SLTM: variants seen among roughly 807,000 people sequenced by gnomAD.
The protein encoded by SLTM is SAFB like transcription modulator.
A neutral mutation model predicts 134.6 loss-of-function variants in SLTM; 43 were observed. That is an observed-to-expected ratio of 0.32 (90% confidence interval 0.25 to 0.41). The LOEUF (loss-of-function observed/expected upper bound fraction) is 0.41, where lower values mean the gene tolerates loss of function less well. Ranked by LOEUF, SLTM falls within the 10% of genes least tolerant of loss-of-function variation. SLTM has a pLI of 1.00. For missense variants in SLTM, 1,055 were observed against 1,288.8 expected, an observed-to-expected ratio of 0.82 and a Z score of 2.78; for synonymous variants, 424 against 432.3, an observed-to-expected ratio of 0.98 and a Z score of 0.24.
At chr15:58,898,894 A>G in intron 7 of SLTM, 42 bp from the exon 8 acceptor site, 1 of 1,469,906 alleles carries the variant, frequency 6.8e-7, no homozygotes, top group Non-Finnish European at 9.5e-7. Context: ...AAACAAAAAC[A>G]AAAACAAACC....
chr15:58,933,470 G>T lies in SLTM; in HGVS notation c.96C>A (p.Ser32=). ...TGTCTAAGTTCCGCCGCTTCAGCTCGGACTTCAGATCGATGACCCGCAGAT... is the reference window on the plus strand; with the variant it reads ...TGTCTAAGTTCCGCCGCTTCAGCTCTGACTTCAGATCGATGACCCGCAGAT... ...ITDLRVIDLK[S]ELKRRNLDIT... The change falls in exon 1 of 21, where the codon TCC becomes TCA. Residue 32 remains serine, a synonymous_variant. Transcript: ENST00000380516. 6.3e-7 allele frequency: 1 copy of T among 1,597,964 alleles called. No homozygotes were observed. Among genetic ancestry groups the T allele is most frequent in the Non-Finnish European group, 8.5e-7 (1 of 1,172,952 alleles).
At chr15:58,880,250 C>T (rs1047582890) in intron 20 of SLTM, 143 bp from the exon 21 acceptor site, 16 of 1,093,952 alleles carry the variant, frequency 1.5e-5, no homozygotes, top group South Asian at 4.7e-5. Context: ...CCATTGCTAA[C>T]CCCACTTTAC....
chr15:58,882,209 T>A (rs952399795), intron 20 of SLTM, among the ~76,000 whole-genome samples: 2 of 80,624 alleles, frequency 2.5e-5, no homozygotes, highest in Non-Finnish European at 5.1e-5. Context: ...CTTAGAAATT[T>A]ATACTAGGAA....
rs996932783 is a variant in SLTM, at chr15:58,933,258, T to A, written c.162+146A>T. On this transcript the variant is annotated intron_variant, in intron 1 of 20. Coordinates refer to ENST00000380516, the MANE Select transcript of SLTM (RefSeq NM_024755.4). ...GCGGAAGGGTCCCCGTCCTCCACGC[T>A]CGCGGGAGCCGCCCCTGGCCTCCCT... The A allele has an allele frequency of 6.6e-4, 527 of 796,302 alleles. 1 individual carries two copies. The highest frequency in any genetic ancestry group is 1.9e-3 in the Admixed American group (43 of 22,506). The allele number at this position is 796,302 out of a possible 1,614,324, so 49.3% of individuals were successfully genotyped here.
intron 2 of SLTM, among the ~76,000 whole-genome samples, chr15:58,918,064 A>ATC (rs2036770597): frequency 6.6e-6 from 1 of 151,760 alleles, no homozygotes; most frequent in Non-Finnish European, 1.5e-5. Flanking sequence ...TGGTAGTTGG[A>ATC]ACTTTAAAAT....
chr15:58,926,358 A>T (rs576771683), intron 2 of SLTM, among the ~76,000 whole-genome samples: 1 of 152,172 alleles, frequency 6.6e-6, no homozygotes, highest in African/African-American at 2.4e-5. Flanking sequence ...AAAGGGGGGA[A>T]AAAACCTTTA....
rs1326785284 is a variant in SLTM, at chr15:58,899,921, A to G, written c.606T>C (p.Gly202=). 1 of 1,611,760 alleles carries G rather than the reference A, an allele frequency of 6.2e-7. No individual in the cohort carries two copies. Among genetic ancestry groups the G allele is most frequent in the Non-Finnish European group, 8.5e-7 (1 of 1,178,482 alleles). ...GTTTAGATACTTCTTGTGTACCATC[A>G]CCAGAACCTGCTATATCTAAGAGGA... ...EENEKDIAGS[G]DGTQEVSKPL... The change falls in exon 7 of 21, where the codon GGT becomes GGC. Residue 202 remains glycine, a synonymous_variant. Coordinates refer to ENST00000380516, the MANE Select transcript of SLTM (RefSeq NM_024755.4). This position sits in a 1 kb window ranked among gnomAD's most constrained non-coding sequence, Gnocchi z 5.0.
Position 58,917,089 on chromosome 15 carries a change from C to T in SLTM, c.251-90G>A, listed in dbSNP as rs1164395839. On this transcript the variant is annotated intron_variant, in intron 2 of 20. Coordinates refer to ENST00000380516, the MANE Select transcript of SLTM (RefSeq NM_024755.4). The stretch of plus-strand genomic sequence containing the variant: ...GAGTTTACCCTGCAATAGCACTCTC[C>T]ACTCCCAAACTATCTGACAAAGCTA... 5.3e-6 allele frequency: 6 copies of T among 1,135,148 alleles called. No individual in the cohort carries two copies. The African/African-American group carries it at 6.2e-5, about 12-fold the overall frequency. 70.3% of individuals were successfully genotyped at this position (1,135,148 alleles called of 1,614,324 possible).
intron 2 of SLTM, among the ~76,000 whole-genome samples, chr15:58,918,645 G>A (rs1265320518): frequency 2.0e-5 from 3 of 152,154 alleles, no homozygotes; most frequent in Non-Finnish European, 2.9e-5. Context: ...CAATGTTGAC[G>A]TTTGCATTTT....
intron 3 of SLTM, chr15:58,916,532 G>A (rs191309645): frequency 6.4e-6 from 1 of 156,546 alleles, no homozygotes; most frequent in Non-Finnish European, 1.4e-5. Context: ...GTATTTTAAG[G>A]TCTACATTAA....
chr15:58,932,838 G>A (rs1225586749), intron 1 of SLTM, among the ~76,000 whole-genome samples: 3 of 152,170 alleles, frequency 2.0e-5, no homozygotes, highest in African/African-American at 7.2e-5. Context: ...ACTCAAACCA[G>A]AAAGCTAATC....
intron 19 of SLTM, 56 bp from the exon 20 acceptor site, chr15:58,883,842 A>G: frequency 6.3e-7 from 1 of 1,590,150 alleles, no homozygotes; most frequent in Admixed American, 1.7e-5. Flanking sequence ...TCATACCTAT[A>G]ATCTCAGCAC....
intron 14 of SLTM, 140 bp from the exon 15 acceptor site, chr15:58,890,601 G>C: frequency 1.2e-6 from 1 of 824,382 alleles, no homozygotes; most frequent in Non-Finnish European, 1.8e-6. Flanking sequence ...TAATTGGAAA[G>C]AGAATTCAAA....
chr15:58,922,770 T>C (rs1229567794), intron 2 of SLTM, among the ~76,000 whole-genome samples: 2 of 151,100 alleles, frequency 1.3e-5, no homozygotes, highest in Non-Finnish European at 2.9e-5. Context: ...TGGAGTGCAG[T>C]GGTGTGATCT....
intron 14 of SLTM, among the ~76,000 whole-genome samples, 187 bp from the exon 15 acceptor site, chr15:58,890,648 C>T (rs1470020544): frequency 3.3e-5 from 5 of 152,124 alleles, no homozygotes; most frequent in Non-Finnish European, 7.4e-5. Context: ...TTTCACTTAT[C>T]TATAAATAAG....
At chr15:58,931,093 A>G (rs2037847217) in intron 2 of SLTM, among the ~76,000 whole-genome samples, 1 of 152,330 alleles carries the variant, frequency 6.6e-6, no homozygotes, top group Non-Finnish European at 1.5e-5. Context: ...CTGAATTTCT[A>G]TCGTTTTCCA....
intron 5 of SLTM, among the ~76,000 whole-genome samples, chr15:58,910,775 C>T (rs1238461974): frequency 4.3e-5 from 6 of 140,382 alleles, no homozygotes; most frequent in East Asian, 2.1e-4. Flanking sequence ...AGACAAGTCT[C>T]GGTCTGTTGC....
chr15:58,899,876 G>T lies in SLTM; in HGVS notation c.651C>A (p.Ser217Arg). ...GAGCTGTGTGATCAGCCTCAGCTAGGCTCCCTTCTGAAGGAAGAGGTTTAG... is the reference window on the plus strand; with the variant it reads ...GAGCTGTGTGATCAGCCTCAGCTAGTCTCCCTTCTGAAGGAAGAGGTTTAG... ...EVSKPLPSEG[S>R]LAEADHTAHE... Residue 217 changes from serine to arginine, a missense_variant, in exon 7 of 21, where the codon AGC becomes AGA. Around this residue, in one of 3 missense-constraint regions of SLTM, gnomAD observed 268 missense variants for 284.3 expected, o/e 0.94. Transcript: ENST00000380516. This position sits in a 1 kb window ranked among gnomAD's most constrained non-coding sequence, Gnocchi z 5.0. 1 of 1,613,958 alleles carries T rather than the reference G, an allele frequency of 6.2e-7. No individual in the cohort carries two copies. The highest frequency in any genetic ancestry group is 8.5e-7 in the Non-Finnish European group (1 of 1,179,970).
intron 17 of SLTM, chr15:58,887,748 T>C (rs1330597843): frequency 5.1e-6 from 2 of 395,692 alleles, no homozygotes; most frequent in Middle Eastern, 1.3e-3. Flanking sequence ...TTTTTAGCAT[T>C]CAGGAGAAAT....
Sources: gnomAD v4.1 joint callset for allele counts (sites outside exome capture counted in the v4.1 genomes callset) on GRCh38, gnomAD v4.1.1 for gene constraint, gnomAD v4.1.1 regional missense constraint, Gnocchi (gnomAD v3.1) non-coding constraint, MANE v1.5 for transcripts, NCBI Gene and HGNC (gene_info 2026-07-23, HGNC 2026-07-21) for gene names.